HDAC9: variants seen among roughly 807,000 people sequenced by gnomAD.
The protein encoded by HDAC9 is histone deacetylase 9.
HDAC9 carries 41 observed loss-of-function variants against 139.4 expected under a neutral mutation model. The observed-to-expected ratio is 0.29, with a 90% confidence interval of 0.23 to 0.38. HDAC9 has a LOEUF of 0.38. HDAC9 is among the 10% of genes least tolerant of loss of function. HDAC9 has a pLI of 1.00. For synonymous variants in HDAC9, 517 were observed against 476.2 expected (o/e 1.09, Z -1.12); for missense variants, 1,147 against 1,297.0 (o/e 0.88, Z 1.78).
chr7:18,594,321 G>A (rs1013567050), intron 6 of HDAC9, among the ~76,000 whole-genome samples: 5 of 151,808 alleles, frequency 3.3e-5, no homozygotes, highest in African/African-American at 1.2e-4. Flanking sequence ...TTCGTATCTC[G>A]GAAAATCTAA....
intron 2 of HDAC9, among the ~76,000 whole-genome samples, chr7:18,271,942 C>T (rs752652311): frequency 3.9e-5 from 6 of 152,092 alleles, no homozygotes; most frequent in African/African-American, 7.2e-5. Context: ...GGAATCTGTT[C>T]CAACATCTTT....
intron 6 of HDAC9, among the ~76,000 whole-genome samples, chr7:18,625,035 C>A (rs996517266): frequency 6.6e-6 from 1 of 152,072 alleles, no homozygotes; most frequent in East Asian, 1.9e-4. Context: ...ATTTTCAAAA[C>A]CTTATGTCCT....
At chr7:18,656,358 A>G (rs1019364069) in intron 11 of HDAC9, among the ~76,000 whole-genome samples, 2 of 152,120 alleles carry the variant, frequency 1.3e-5, no homozygotes, top group Admixed American at 6.6e-5. Flanking sequence ...TCTATTAACA[A>G]CCATTACACT....
At chr7:18,214,632 A>G (rs1792171101) in intron 2 of HDAC9, among the ~76,000 whole-genome samples, 1 of 152,130 alleles carries the variant, frequency 6.6e-6, no homozygotes. Context: ...GATATGAAAC[A>G]GCATAGGAAA....
chr7:18,534,312 T>C (rs1002124613), intron 2 of HDAC9, among the ~76,000 whole-genome samples: 4 of 152,278 alleles, frequency 2.6e-5, no homozygotes, highest in Admixed American at 2.0e-4. Flanking sequence ...GCTAGCACTT[T>C]GGGAGGCTGA....
At chr7:18,968,245 G>C (rs1315742082) in intron 24 of HDAC9, among the ~76,000 whole-genome samples, 1 of 152,078 alleles carries the variant, frequency 6.6e-6, no homozygotes, top group African/African-American at 2.4e-5. Context: ...CATACTTTAG[G>C]AATGTTTGAA....
upstream of HDAC9, among the ~76,000 whole-genome samples, chr7:18,289,544 C>T (rs888260483): frequency 2.6e-5 from 4 of 152,128 alleles, no homozygotes; most frequent in African/African-American, 7.2e-5. Context: ...AAAGCAAGAG[C>T]TAGTGAGGCT....
At chr7:18,876,043 C>T (rs10237280) in intron 22 of HDAC9, among the ~76,000 whole-genome samples, 65,536 of 151,914 alleles carry the variant, frequency 0.43, 14,374 homozygotes, top group South Asian at 0.56. Flanking sequence ...CAAGACTCTT[C>T]GTCAGAACTA....
At chr7:18,922,571 A>T (rs1036277884) in intron 22 of HDAC9, among the ~76,000 whole-genome samples, 3 of 152,046 alleles carry the variant, frequency 2.0e-5, no homozygotes, top group African/African-American at 7.2e-5. Context: ...GAGGCTCACA[A>T]ATCTGCATTT....
At chr7:18,987,709 G>T (rs994997912) in intron 25 of HDAC9, among the ~76,000 whole-genome samples, 7 of 151,800 alleles carry the variant, frequency 4.6e-5, no homozygotes, top group African/African-American at 1.7e-4. Flanking sequence ...GACTCTTTTT[G>T]GTTGGTAAGC....
chr7:18,604,753 C>T (rs1406455667), intron 6 of HDAC9, among the ~76,000 whole-genome samples: 1 of 152,118 alleles, frequency 6.6e-6, no homozygotes, highest in Non-Finnish European at 1.5e-5. Context: ...ATTCCCTTTT[C>T]AATCTTTCCT....
intron 1 of HDAC9, among the ~76,000 whole-genome samples, chr7:18,362,910 C>T (rs1783894014): frequency 6.6e-6 from 1 of 151,982 alleles, no homozygotes; most frequent in East Asian, 1.9e-4. Context: ...AAAATCTATG[C>T]CTGACTGAAA....
chr7:18,950,214 T>C (rs1402438646), intron 23 of HDAC9, among the ~76,000 whole-genome samples: 2 of 152,092 alleles, frequency 1.3e-5, no homozygotes, highest in South Asian at 2.1e-4. Flanking sequence ...CCTCTAATTA[T>C]TGGCATGGCC....
At chr7:18,428,999 A>G (rs925277894) in intron 1 of HDAC9, 1 of 152,180 alleles carries the variant, frequency 6.6e-6, no homozygotes, top group Non-Finnish European at 1.5e-5. Context: ...CTTCTCAGAG[A>G]AGTTTTTCAG....
At chr7:18,966,607 A>G (rs903896847) in intron 24 of HDAC9, among the ~76,000 whole-genome samples, 2 of 152,166 alleles carry the variant, frequency 1.3e-5, no homozygotes, top group African/African-American at 4.8e-5. Flanking sequence ...AGGCTGAGGC[A>G]GGAGAATTGC....
At chr7:18,753,002 T>C (rs1006326597) in intron 14 of HDAC9, among the ~76,000 whole-genome samples, 2 of 152,114 alleles carry the variant, frequency 1.3e-5, no homozygotes, top group East Asian at 3.8e-4. Flanking sequence ...CTGGTACTTT[T>C]GGCCTGGACA....
intron 1 of HDAC9, among the ~76,000 whole-genome samples, chr7:18,403,637 A>G (rs1346027671): frequency 6.6e-6 from 1 of 152,222 alleles, no homozygotes; most frequent in Non-Finnish European, 1.5e-5. Context: ...AAATACGTAA[A>G]TGAACCCTAG....
chr7:18,230,006 T>C (rs2128182666), intron 2 of HDAC9, among the ~76,000 whole-genome samples: 1 of 152,298 alleles, frequency 6.6e-6, no homozygotes, highest in South Asian at 2.1e-4. Context: ...GCATTTCCTC[T>C]ACTCCCCAAA....
chr7:18,185,373 A>C (rs1789824659), intron 2 of HDAC9, among the ~76,000 whole-genome samples: 1 of 152,234 alleles, frequency 6.6e-6, no homozygotes, highest in Non-Finnish European at 1.5e-5. Flanking sequence ...GGTAATTATA[A>C]TGTGCAACTA....
Sources: allele counts gnomAD v4.1 joint callset (sites outside exome capture counted in the v4.1 genomes callset), GRCh38; gene constraint gnomAD v4.1.1; transcripts MANE v1.5; gene names NCBI Gene and HGNC (gene_info 2026-07-23, HGNC 2026-07-21).